PCDHGB7: variants seen among roughly 807,000 people sequenced by gnomAD.
PCDHGB7 encodes protocadherin gamma subfamily B, 7, also known as protocadherin gamma-B7.
A neutral mutation model predicts 61.4 loss-of-function variants in PCDHGB7; 37 were observed. The observed-to-expected ratio is 0.60, with a 90% CI of 0.46 to 0.79. The LOEUF (loss-of-function observed/expected upper bound fraction) is 0.79. Ranked by LOEUF, PCDHGB7 falls within the 30% of genes least tolerant of loss-of-function variation. PCDHGB7 has a pLI of 0.00. For missense variants in PCDHGB7, 1,166 were observed against 1,202.5 expected, an observed-to-expected ratio of 0.97 and a Z score of 0.45; for synonymous variants, 464 against 503.5, an observed-to-expected ratio of 0.92 and a Z score of 1.05.
In PCDHGB7 at chr5:141,476,760, CG is replaced by C. The variant is rs1325258321; in HGVS notation, c.2416-18045del. The C allele has an allele frequency of 6.2e-7, 1 of 1,613,706 alleles. No individual in the cohort carries two copies. Among genetic ancestry groups the C allele is most frequent in the African/African-American group, 1.3e-5 (1 of 74,930 alleles). On this transcript the variant is annotated intron_variant, in intron 1 of 3. Coordinates refer to ENST00000398594, the MANE Select transcript of PCDHGB7 (RefSeq NM_018927.4). This position sits in a 1 kb window ranked among gnomAD's most constrained non-coding sequence, Gnocchi z 7.6. ...GAGCCTAGTCTCCAGTTAGTGCTGA[CG>C]GCGTTGGACGGAGGGACCCCAGCTC...
intron 1 of PCDHGB7, among the ~76,000 whole-genome samples, chr5:141,471,107 G>T (rs1023848236): frequency 1.3e-5 from 2 of 148,554 alleles, no homozygotes; most frequent in East Asian, 2.0e-4. Context: ...AGAGTGCAGT[G>T]GTGCGATCTT....
At chr5:141,502,932 C>T (rs1039438031) in intron 2 of PCDHGB7, among the ~76,000 whole-genome samples, 2 of 143,766 alleles carry the variant, frequency 1.4e-5, no homozygotes, top group African/African-American at 5.3e-5. Context: ...CAACCTTCAC[C>T]TCCTGGGTTC....
chr5:141,483,289 A>G (rs1446467890), intron 1 of PCDHGB7, among the ~76,000 whole-genome samples: 3 of 152,194 alleles, frequency 2.0e-5, no homozygotes, highest in Admixed American at 2.0e-4. Flanking sequence ...TCTGTCAGTC[A>G]TAAGTGAAGG....
chr5:141,477,482 C>T lies in PCDHGB7; in HGVS notation c.2416-17325C>T, dbSNP rs1168724444. The T allele has an allele frequency of 6.2e-7, 1 of 1,614,118 alleles. No individual in the cohort carries two copies. Among genetic ancestry groups the T allele is most frequent in the Non-Finnish European group, 8.5e-7 (1 of 1,180,016 alleles). ...GTCCGACATCAATGACAACCCTCCA[C>T]AATCTTCTCAATCTTCCTACGACGT... is the stretch of plus-strand genomic sequence containing the variant. On this transcript the variant is annotated intron_variant, in intron 1 of 3. Coordinates refer to ENST00000398594, the MANE Select transcript of PCDHGB7 (RefSeq NM_018927.4). This position sits in a 1 kb window ranked among gnomAD's most constrained non-coding sequence, Gnocchi z 4.9.
intron 1 of PCDHGB7, among the ~76,000 whole-genome samples, chr5:141,435,760 T>TTGGTGAATTC (rs2097778609): frequency 1.3e-5 from 2 of 152,172 alleles, no homozygotes; most frequent in African/African-American, 4.8e-5. Context: ...TTGATTTCTT[T>TTGGTGAATTC]TGGTGAATTC....
rs745697672 is a variant in PCDHGB7 at position 141,420,252 on chromosome 5, C to T, written c.2393C>T (p.Ala798Val). The stretch of plus-strand genomic sequence containing the variant: ...AGCATTTTAACTCCCAGCGTTGAAG[C>T]AGATAAGAAGATTCTTAAACAGGTA... ...LASILTPSVE[A>V]DKKILKQQAP... Residue 798 changes from alanine to valine, a missense_variant, in exon 1 of 4, where the codon GCA (alanine) becomes GTA (valine). Physicochemically the swap from Ala to Val is moderately conservative, Grantham distance 64. Coordinates refer to ENST00000398594, the MANE Select transcript of PCDHGB7 (RefSeq NM_018927.4). 6.3e-7 allele frequency: 1 copy of T among 1,576,604 alleles called. No individual in the cohort carries two copies. The highest frequency in any genetic ancestry group is 8.6e-7 in the Non-Finnish European group (1 of 1,158,722).
In PCDHGB7 at chr5:141,485,735, G is replaced by A; in HGVS notation, c.2416-9072G>A. 6.2e-7 allele frequency: 1 copy of A among 1,614,166 alleles called. No homozygotes were observed. The highest frequency in any genetic ancestry group is 8.5e-7 in the Non-Finnish European group (1 of 1,180,036). On this transcript the variant is annotated intron_variant, in intron 1 of 3. Coordinates refer to ENST00000398594, the MANE Select transcript of PCDHGB7 (RefSeq NM_018927.4). The surrounding 1 kb of genome is among the most constrained non-coding windows in gnomAD (Gnocchi z 5.7). Reference sequence around the variant, plus strand: ...ACTGGATGTGAAGAAGCGCAGCGACGGCAGCCTGGTCCCAGAGCTGCTCCT... The same window carrying A: ...ACTGGATGTGAAGAAGCGCAGCGACAGCAGCCTGGTCCCAGAGCTGCTCCT...
At chr5:141,434,553 G>T (rs1203568173) in intron 1 of PCDHGB7, among the ~76,000 whole-genome samples, 1 of 152,202 alleles carries the variant, frequency 6.6e-6, no homozygotes, top group Admixed American at 6.5e-5. Flanking sequence ...AGTGATCTGT[G>T]CCTTAAGGAC....
At position 141,489,481 on chromosome 5, in the gene PCDHGB7, A is replaced by C; in HGVS notation, c.2416-5326A>C. 6.2e-7 allele frequency: 1 copy of C among 1,614,040 alleles called. No homozygotes were observed. The highest frequency in any genetic ancestry group is 8.5e-7 in the Non-Finnish European group (1 of 1,180,004). ...GCGCTATTTTTCCCTGAGCTTGATG[A>C]GTGGTGCCCTGGCAGTGAATCAAAA... is the stretch of plus-strand genomic sequence containing the variant. On this transcript the variant is annotated intron_variant, in intron 1 of 3. Transcript: ENST00000398594. The surrounding 1 kb of genome is among the most constrained non-coding windows in gnomAD (Gnocchi z 4.5).
chr5:141,481,455 C>T (rs2099537897), intron 1 of PCDHGB7, among the ~76,000 whole-genome samples: 1 of 152,176 alleles, frequency 6.6e-6, no homozygotes, highest in African/African-American at 2.4e-5. Flanking sequence ...TGTAAATACA[C>T]TGAAAACCAT....
At chr5:141,498,863 G>A (rs1311199561) in intron 2 of PCDHGB7, among the ~76,000 whole-genome samples, 2 of 151,466 alleles carry the variant, frequency 1.3e-5, no homozygotes, top group South Asian at 2.1e-4. Context: ...AACCCAGGAG[G>A]CGGAGGTTGC....
In PCDHGB7 at chr5:141,487,192, C is replaced by T. The variant is rs2099641028; in HGVS notation, c.2416-7615C>T. ...TAGAGGAAGACACTCATCCAGTTGT[C>T]CCAGATCTTCGAGAATCTTCAGCTC... On this transcript the variant is annotated intron_variant, in intron 1 of 3. Transcript: ENST00000398594. This position sits in a 1 kb window ranked among gnomAD's most constrained non-coding sequence, Gnocchi z 5.0. 15 of 1,613,748 alleles carry T rather than the reference C, an allele frequency of 9.3e-6. No individual in the cohort carries two copies. Among genetic ancestry groups the T allele is most frequent in the African/African-American group, 1.3e-5 (1 of 75,040 alleles).
At chr5:141,494,188 T>C (rs2099752632) in intron 1 of PCDHGB7, among the ~76,000 whole-genome samples, 1 of 152,186 alleles carries the variant, frequency 6.6e-6, no homozygotes, top group South Asian at 2.1e-4. Flanking sequence ...GTCCCGGGAC[T>C]TGGATGCCCC....
chr5:141,442,534 GA>G (rs1156284172), intron 1 of PCDHGB7: 1 of 152,222 alleles, frequency 6.6e-6, no homozygotes, highest in Non-Finnish European at 1.5e-5. Context: ...TCTCCAAGGT[GA>G]AAAATTCTTG....
intron 2 of PCDHGB7, among the ~76,000 whole-genome samples, chr5:141,497,603 G>A (rs1045138662): frequency 3.3e-5 from 5 of 149,832 alleles, no homozygotes; most frequent in Non-Finnish European, 7.4e-5. Context: ...GCAGTGGTGC[G>A]ATCTTGGCTC....
intron 1 of PCDHGB7, among the ~76,000 whole-genome samples, chr5:141,488,225 T>G (rs2099673126): frequency 6.6e-6 from 1 of 152,136 alleles, no homozygotes. Flanking sequence ...CTACTGGGGA[T>G]TTGAACTAGA....
At chr5:141,449,796 A>G (rs1358409274) in intron 1 of PCDHGB7, among the ~76,000 whole-genome samples, 2 of 151,590 alleles carry the variant, frequency 1.3e-5, no homozygotes, top group Admixed American at 6.6e-5. Context: ...TTATTCCTAA[A>G]TACCTCATTG....
chr5:141,489,447 G>A lies in PCDHGB7; in HGVS notation c.2416-5360G>A. The A allele has an allele frequency of 5.6e-6, 9 of 1,614,134 alleles. No homozygotes were observed. The highest frequency in any genetic ancestry group is 7.6e-6 in the Non-Finnish European group (9 of 1,180,028). ...GCCGGCGGCTGCAATTGGGCTCTGA[G>A]GAGAATGGGCGCTATTTTTCCCTGA... On this transcript the variant is annotated intron_variant, in intron 1 of 3. Coordinates refer to ENST00000398594, the MANE Select transcript of PCDHGB7 (RefSeq NM_018927.4). This position sits in a 1 kb window ranked among gnomAD's most constrained non-coding sequence, Gnocchi z 4.5.
At chr5:141,422,587 C>G in intron 1 of PCDHGB7, 2 of 1,614,032 alleles carry the variant, frequency 1.2e-6, no homozygotes, top group Non-Finnish European at 1.7e-6. Flanking sequence ...TCCCGTTTTT[C>G]CTCACTCCTC....
Sources: allele counts gnomAD v4.1 joint callset (sites outside exome capture counted in the v4.1 genomes callset), GRCh38; gene constraint gnomAD v4.1.1; non-coding constraint Gnocchi (gnomAD v3.1); transcripts MANE v1.5; gene names NCBI Gene and HGNC (gene_info 2026-07-23, HGNC 2026-07-21).